The following NTNG1 variants were observed in gnomAD, a reference collection of about 807,000 sequenced individuals.
NTNG1 encodes netrin-G1.
A neutral mutation model predicts 54.0 loss-of-function variants in NTNG1; 16 were observed. The ratio of observed to expected loss-of-function variants is 0.30; its 90% confidence interval spans 0.20 to 0.45. The LOEUF (loss-of-function observed/expected upper bound fraction) is 0.45, where lower values mean the gene tolerates loss of function less well. NTNG1 is among the 20% of genes least tolerant of loss of function. NTNG1 has a pLI of 1.00. For synonymous variants in NTNG1, 255 were observed against 263.1 expected (o/e 0.97, Z 0.30); for missense variants, 530 against 678.7 (o/e 0.78, Z 2.43).
At chr1:107,223,888 A>G (rs1282280829) in intron 2 of NTNG1, among the ~76,000 whole-genome samples, 1 of 152,172 alleles carries the variant, frequency 6.6e-6, no homozygotes, top group African/African-American at 2.4e-5. Flanking sequence ...CTTAGAATGG[A>G]GAAGGGAGAC....
At chr1:107,146,498 C>T (rs1654130561) in intron 1 of NTNG1, among the ~76,000 whole-genome samples, 1 of 151,918 alleles carries the variant, frequency 6.6e-6, no homozygotes, top group Non-Finnish European at 1.5e-5. Flanking sequence ...CTATAGTAGC[C>T]ACAACACATG....
At chr1:107,396,646 A>C (rs1272754784) in intron 4 of NTNG1, among the ~76,000 whole-genome samples, 1 of 152,154 alleles carries the variant, frequency 6.6e-6, no homozygotes, top group Non-Finnish European at 1.5e-5. Context: ...GGGATCTTGC[A>C]AGGTTATTTA....
chr1:107,478,994 C>A (rs916369019), intron 7 of NTNG1, among the ~76,000 whole-genome samples: 10 of 152,160 alleles, frequency 6.6e-5, no homozygotes, highest in Non-Finnish European at 1.5e-4. Flanking sequence ...TAAGAGGTAG[C>A]TTATATAATC....
intron 3 of NTNG1, among the ~76,000 whole-genome samples, chr1:107,386,844 A>G (rs1281307118): frequency 6.6e-6 from 1 of 152,214 alleles, no homozygotes. Flanking sequence ...GAAAGTGTAA[A>G]AACACATTTT....
chr1:107,281,032 T>C (rs1366114978), intron 2 of NTNG1, among the ~76,000 whole-genome samples: 1 of 152,126 alleles, frequency 6.6e-6, no homozygotes, highest in Non-Finnish European at 1.5e-5. Flanking sequence ...CTTACTCTCA[T>C]GTAACCCTCC....
chr1:107,179,162 A>C (rs1415025956), intron 2 of NTNG1, among the ~76,000 whole-genome samples: 3 of 152,120 alleles, frequency 2.0e-5, no homozygotes, highest in Non-Finnish European at 2.9e-5. Context: ...AATGTACCAC[A>C]CTCTTGAAAG....
chr1:107,182,525 G>C (rs1275441602), intron 2 of NTNG1, among the ~76,000 whole-genome samples: 1 of 152,112 alleles, frequency 6.6e-6, no homozygotes, highest in Non-Finnish European at 1.5e-5. Context: ...TCCTGTGTTA[G>C]ATAGATACAA....
intron 3 of NTNG1, among the ~76,000 whole-genome samples, chr1:107,393,649 G>A (rs1399492637): frequency 6.6e-6 from 1 of 151,276 alleles, no homozygotes. Context: ...TCCCAGACAG[G>A]TTTGAGTAGA....
At chr1:107,321,662 T>C (rs1280212883) in intron 2 of NTNG1, among the ~76,000 whole-genome samples, 2 of 152,104 alleles carry the variant, frequency 1.3e-5, no homozygotes, top group Non-Finnish European at 2.9e-5. Context: ...TAACTAGGTA[T>C]TATGTGAAGC....
chr1:107,301,588 A>G (rs1666321660), intron 2 of NTNG1, among the ~76,000 whole-genome samples: 1 of 152,216 alleles, frequency 6.6e-6, no homozygotes, highest in Admixed American at 6.5e-5. Context: ...ATTATAAAGC[A>G]TATCCTAATA....
At chr1:107,239,160 C>G (rs952567013) in intron 2 of NTNG1, among the ~76,000 whole-genome samples, 5 of 151,914 alleles carry the variant, frequency 3.3e-5, no homozygotes, top group African/African-American at 1.2e-4. Context: ...AGAGTTAGGC[C>G]TAGAAGGAGT....
intron 1 of NTNG1, 162 bp downstream of exon 1, chr1:107,141,302 A>C (rs1653664777): frequency 6.7e-6 from 1 of 149,952 alleles, no homozygotes; most frequent in Non-Finnish European, 1.5e-5. Context: ...CCGCCTGGGG[A>C]GGAGGCTCCG....
At chr1:107,437,589 C>G (rs1033252255) in intron 7 of NTNG1, among the ~76,000 whole-genome samples, 4 of 152,096 alleles carry the variant, frequency 2.6e-5, no homozygotes, top group Admixed American at 6.5e-5. Flanking sequence ...AAGACATATC[C>G]TGTGTAGCAG....
intron 3 of NTNG1, among the ~76,000 whole-genome samples, chr1:107,348,155 T>C (rs1669372111): frequency 1.3e-5 from 2 of 151,902 alleles, no homozygotes; most frequent in African/African-American, 4.8e-5. Flanking sequence ...AGATAGAGTC[T>C]CACTCTGTTG....
chr1:107,203,128 A>G (rs1658884711), intron 2 of NTNG1, among the ~76,000 whole-genome samples: 1 of 151,872 alleles, frequency 6.6e-6, no homozygotes, highest in East Asian at 1.9e-4. Flanking sequence ...TTTTAAAAAC[A>G]TAATGTTTCT....
intron 3 of NTNG1, among the ~76,000 whole-genome samples, chr1:107,377,110 A>G (rs1671332012): frequency 6.6e-6 from 1 of 152,180 alleles, no homozygotes; most frequent in Admixed American, 6.5e-5. Flanking sequence ...CTTGTCACAT[A>G]TCTGTTTCCC....
At chr1:107,297,097 A>C (rs1279425032) in intron 2 of NTNG1, among the ~76,000 whole-genome samples, 1 of 146,632 alleles carries the variant, frequency 6.8e-6, no homozygotes, top group African/African-American at 2.5e-5. Context: ...ACACACACAC[A>C]CACACACACA....
chr1:107,297,251 A>ATATATATATATATG (rs1557878548), intron 2 of NTNG1, among the ~76,000 whole-genome samples: 20 of 140,342 alleles, frequency 1.4e-4, no homozygotes, highest in African/African-American at 5.3e-4. Context: ...ATATATGCGC[A>ATATATATATATATG]CACACACACA....
intron 2 of NTNG1, among the ~76,000 whole-genome samples, chr1:107,180,627 T>C (rs1178232065): frequency 6.6e-6 from 1 of 152,168 alleles, no homozygotes; most frequent in Non-Finnish European, 1.5e-5. Context: ...TTCTCTAGGT[T>C]TTTAAATAAA....
Sources: allele counts gnomAD v4.1 joint callset (sites outside exome capture counted in the v4.1 genomes callset), GRCh38; gene constraint gnomAD v4.1.1; transcripts MANE v1.5; gene names NCBI Gene and HGNC (gene_info 2026-07-23, HGNC 2026-07-21).